The following HMGA2 variants were observed in gnomAD, a reference collection of about 807,000 sequenced individuals.
HMGA2 encodes high mobility group AT-hook 2, also known as high mobility group protein HMGI-C.
HMGA2 carries 8 observed loss-of-function variants against 19.1 expected under a neutral mutation model. That is an observed-to-expected ratio of 0.42 (90% confidence interval 0.25 to 0.76). The LOEUF is 0.76. Ranked by LOEUF, HMGA2 falls within the 30% of genes least tolerant of loss-of-function variation. The pLI is 0.28. For missense variants in HMGA2, 109 were observed against 136.3 expected (o/e 0.80, Z 1.00); for synonymous variants, 60 against 48.8 (o/e 1.23, Z -0.96).
At chr12:65,877,585 G>A (rs1355721270) in intron 3 of HMGA2, among the ~76,000 whole-genome samples, 1 of 152,164 alleles carries the variant, frequency 6.6e-6, no homozygotes, top group Non-Finnish European at 1.5e-5. Flanking sequence ...ATGGTGCCAT[G>A]CTGACCTTTC....
chr12:65,870,334 A>T (rs1448897544), intron 3 of HMGA2, among the ~76,000 whole-genome samples: 1 of 152,120 alleles, frequency 6.6e-6, no homozygotes, highest in African/African-American at 2.4e-5. Flanking sequence ...ATAGTAAAAA[A>T]CAATATGTGA....
intron 2 of HMGA2, chr12:65,828,372 C>CCG (rs1555179626): frequency 1.4e-5 from 2 of 144,162 alleles, no homozygotes; most frequent in Non-Finnish European, 2.8e-5. Context: ...GAAGGGGTTG[C>CCG]GGGGGGGGCG....
chr12:65,835,088 A>G (rs1257263884), intron 2 of HMGA2, among the ~76,000 whole-genome samples: 1 of 152,196 alleles, frequency 6.6e-6, no homozygotes, highest in African/African-American at 2.4e-5. Flanking sequence ...AAATAGTGAG[A>G]ATTAGTTATG....
intron 3 of HMGA2, among the ~76,000 whole-genome samples, chr12:65,885,131 T>C (rs1334554479): frequency 2.6e-5 from 4 of 152,198 alleles, no homozygotes. Flanking sequence ...TATTTATTCC[T>C]TAGAACTTTA....
chr12:65,884,002 A>T (rs539642897), intron 3 of HMGA2, among the ~76,000 whole-genome samples: 1 of 152,264 alleles, frequency 6.6e-6, no homozygotes, highest in South Asian at 2.1e-4. Flanking sequence ...GGTAACTGGG[A>T]TTACAGGCGC....
chr12:65,826,325 C>CA (rs1268376942), intron 1 of HMGA2: 1 of 152,390 alleles, frequency 6.6e-6, no homozygotes, highest in Admixed American at 6.5e-5. Flanking sequence ...CCGGCGCTTG[C>CA]AGAGCTGCGC....
chr12:65,943,741 C>T (rs540049144), intron 3 of HMGA2, among the ~76,000 whole-genome samples: 1 of 152,262 alleles, frequency 6.6e-6, no homozygotes, highest in African/African-American at 2.4e-5. Flanking sequence ...CTCCTTTGCA[C>T]CATAAGGGCC....
chr12:65,930,632 C>T (rs1875676477), intron 3 of HMGA2, among the ~76,000 whole-genome samples: 1 of 152,130 alleles, frequency 6.6e-6, no homozygotes, highest in African/African-American at 2.4e-5. Context: ...CTGTCATTTC[C>T]TCCCCCTAAA....
intron 3 of HMGA2, among the ~76,000 whole-genome samples, chr12:65,860,407 G>A (rs552734620): frequency 5.9e-5 from 9 of 152,300 alleles, no homozygotes. Context: ...TCACACCATC[G>A]TAAAGCCAAA....
chr12:65,955,680 A>G (rs1166767970), intron 4 of HMGA2: 2 of 152,216 alleles, frequency 1.3e-5, no homozygotes, highest in Non-Finnish European at 2.9e-5. Flanking sequence ...CAATTTCCCA[A>G]TGAGAGAATT....
chr12:65,825,276 C>A lies in HMGA2; in HGVS notation c.6C>A (p.Ser2Arg). 1 of 1,529,668 alleles carries A rather than the reference C, an allele frequency of 6.5e-7. No homozygotes were observed. The allele number at this position is 1,529,668 out of a possible 1,614,324, so 94.8% of individuals were successfully genotyped here. A position where few individuals can be genotyped will look rare whatever the true frequency, so the allele number is the denominator to read the frequency against. The change falls in exon 1 of 5, where the codon AGC becomes AGA. Residue 2 changes from serine to arginine, a missense_variant. By Grantham distance (110) the Ser-to-Arg change is moderately radical (BLOSUM62 -1). Transcript: ENST00000403681. The surrounding 1 kb of genome is among the most constrained non-coding windows in gnomAD (Gnocchi z 4.4). The stretch of plus-strand genomic sequence containing the variant: ...TAGCGGCGGCGGGAGGCAGGATGAG[C>A]GCACGCGGTGAGGGCGCGGGGCAGC... Reference protein sequence around the residue: MSARGEGAGQPS... With the variant: MRARGEGAGQPS...
chr12:65,825,131 C>A lies in HMGA2; in HGVS notation c.-140C>A. ...GCAGCGGCGGCAGCCTAAGCAACAG[C>A]AGCCCTCGCAGCCCGCCAGCTCGCG... On this transcript the variant is annotated 5_prime_UTR_variant, in exon 1 of 5. Transcript: ENST00000403681. The surrounding 1 kb of genome is among the most constrained non-coding windows in gnomAD (Gnocchi z 4.4). 1 of 622,080 alleles carries A rather than the reference C, an allele frequency of 1.6e-6. No individual in the cohort carries two copies. The highest frequency in any genetic ancestry group is 2.6e-6 in the Non-Finnish European group (1 of 382,852). The allele number at this position is 622,080 out of a possible 1,614,324, so 38.5% of individuals were successfully genotyped here. A position where few individuals can be genotyped will look rare whatever the true frequency, so the allele number is the denominator to read the frequency against.
chr12:65,891,594 G>A (rs1873914615), intron 3 of HMGA2, among the ~76,000 whole-genome samples: 1 of 152,162 alleles, frequency 6.6e-6, no homozygotes, highest in African/African-American at 2.4e-5. Context: ...GCACAGTGCT[G>A]GTTAAGAGTC....
rs955011122 is a variant in HMGA2 at position 65,963,675 on chromosome 12, G to A, written c.*383G>A. 2.6e-6 allele frequency: 1 copy of A among 378,396 alleles called. No individual in the cohort carries two copies. 23.4% of individuals were successfully genotyped at this position (378,396 alleles called of 1,614,324 possible). A position where few individuals can be genotyped will look rare whatever the true frequency, so the allele number is the denominator to read the frequency against. ...GGTTTAGTCAATCACTGCACTGCAT[G>A]CAAACAAGAAACGTGTCACACTTGT... On this transcript the variant is annotated 3_prime_UTR_variant, in exon 5 of 5. Transcript: ENST00000403681.
At position 65,963,343 on chromosome 12, in the gene HMGA2, G is replaced by T; in HGVS notation, c.*51G>T. ...TCAGCAGCAGTTGGATCTTTTGAAG[G>T]GAGAAGACACTGCAGTGACCACTTA... On this transcript the variant is annotated 3_prime_UTR_variant, in exon 5 of 5. Transcript: ENST00000403681. The T allele has an allele frequency of 1.4e-6, 2 of 1,466,714 alleles. No individual in the cohort carries two copies. Among genetic ancestry groups the T allele is most frequent in the Non-Finnish European group, 1.9e-6 (2 of 1,074,816 alleles). 90.9% of individuals were successfully genotyped at this position (1,466,714 alleles called of 1,614,324 possible).
chr12:65,936,212 AT>A (rs5798799), intron 3 of HMGA2, among the ~76,000 whole-genome samples: 5,181 of 144,442 alleles, frequency 0.036, 165 homozygotes, highest in African/African-American at 0.093. Flanking sequence ...TGTTCCATTC[AT>A]TTTTTTTTTT....
chr12:65,845,250 C>A (rs986063231), intron 3 of HMGA2, among the ~76,000 whole-genome samples: 12 of 151,824 alleles, frequency 7.9e-5, no homozygotes, highest in African/African-American at 4.8e-5. Context: ...CTTTTATAAG[C>A]GTTTTTGTTT....
intron 3 of HMGA2, chr12:65,873,673 A>G (rs1872823822): frequency 1.3e-5 from 2 of 152,326 alleles, no homozygotes; most frequent in Admixed American, 1.3e-4. Context: ...ATACATACAT[A>G]TATTTAAATG....
intron 3 of HMGA2, chr12:65,873,878 A>G (rs1490253714): frequency 6.6e-6 from 1 of 152,228 alleles, no homozygotes; most frequent in African/African-American, 2.4e-5. Context: ...GGTTTAACAT[A>G]TGGTCGCTGT....
Sources: allele counts gnomAD v4.1 joint callset (sites outside exome capture counted in the v4.1 genomes callset), GRCh38; gene constraint gnomAD v4.1.1; non-coding constraint Gnocchi (gnomAD v3.1); transcripts MANE v1.5; gene names NCBI Gene and HGNC (gene_info 2026-07-23, HGNC 2026-07-21).